Variants in ZNF184 observed in about 807,000 individuals in gnomAD.
ZNF184 encodes zinc finger protein 184, also known as zinc finger protein 184 (Kruppel-like).
Under a neutral mutation model 54.4 loss-of-function variants are expected in ZNF184, and 16 were observed. The observed-to-expected ratio is 0.29, with a 90% CI of 0.20 to 0.45. The LOEUF is 0.45. Ranked by LOEUF, ZNF184 falls within the 20% of genes least tolerant of loss-of-function variation. The pLI is 1.00. For synonymous variants in ZNF184, 254 were observed against 295.3 expected (o/e 0.86, Z 1.43); for missense variants, 681 against 888.2 (o/e 0.77, Z 2.97).
the ZNF184 span, among the ~76,000 whole-genome samples, chr6:27,427,035 A>C: frequency 1.3e-5 from 2 of 151,550 alleles, no homozygotes; most frequent in African/African-American, 4.9e-5. Context: ...CTAATGAAAA[A>C]GAATGAAGCA....
the ZNF184 span, among the ~76,000 whole-genome samples, chr6:27,444,575 GTGTCT>G: frequency 2.0e-5 from 3 of 152,080 alleles, no homozygotes; most frequent in Non-Finnish European, 4.4e-5. Flanking sequence ...GTGTTCTCCA[GTGTCT>G]TATTTCCTAT....
intron 3 of ZNF184, among the ~76,000 whole-genome samples, chr6:27,465,016 C>CAAAAAAAAAAAAAAAAAA (rs61602778): frequency 2.0e-5 from 1 of 48,918 alleles, no homozygotes; most frequent in Non-Finnish European, 3.4e-5. Context: ...GACTCTGTCT[C>CAAAAAAAAAAAAAAAAAA]AAAAAAAAAA....
At chr6:27,459,162 A>G (rs930850093) in intron 3 of ZNF184, among the ~76,000 whole-genome samples, 1 of 152,226 alleles carries the variant, frequency 6.6e-6, no homozygotes. Context: ...TCCAGTGTCT[A>G]TAGCACTATA....
At chr6:27,442,127 C>T in the ZNF184 span, among the ~76,000 whole-genome samples, 39 of 152,252 alleles carry the variant, frequency 2.6e-4, no homozygotes, top group Admixed American at 2.0e-3. Flanking sequence ...TCATGGGCCC[C>T]GTGCCCTTCT....
intron 5 of ZNF184, among the ~76,000 whole-genome samples, chr6:27,456,503 C>A (rs765302196): frequency 2.6e-4 from 40 of 151,978 alleles, no homozygotes; most frequent in Non-Finnish European, 3.4e-4. Flanking sequence ...ATTGTAAGGA[C>A]TGAAAAGTAC....
intron 3 of ZNF184, among the ~76,000 whole-genome samples, chr6:27,459,494 C>T (rs1198422648): frequency 1.3e-5 from 2 of 152,104 alleles, no homozygotes; most frequent in Non-Finnish European, 2.9e-5. Context: ...TGCTCCCCTC[C>T]CCTAAAAATA....
Position 27,451,941 on chromosome 6 carries a change from T to C in ZNF184, c.1618A>G (p.Ile540Val), listed in dbSNP as rs1762736627. ...TGCTTAGCAAGAGATGAACTCCGAA[T>C]AAAAGCTTTCCCACATTCTTTACAT... Reference protein sequence around the residue: ...YECKECGKAFIRSSSLAKHER... With the variant: ...YECKECGKAFVRSSSLAKHER... The change falls in exon 6 of 6, where the codon ATT (isoleucine) becomes GTT (valine). Residue 540 changes from isoleucine (I) to valine (V), a missense_variant. Coordinates refer to ENST00000683788, the MANE Select transcript of ZNF184 (RefSeq NM_001318891.2). 1 of 1,613,122 alleles carries C rather than the reference T, an allele frequency of 6.2e-7. No homozygotes were observed. The highest frequency in any genetic ancestry group is 8.5e-7 in the Non-Finnish European group (1 of 1,179,968).
the ZNF184 span, among the ~76,000 whole-genome samples, chr6:27,416,265 A>ATGCC: frequency 1.3e-5 from 2 of 152,232 alleles, no homozygotes; most frequent in Non-Finnish European, 2.9e-5. Flanking sequence ...TGATAGGACT[A>ATGCC]TCGTGAGAGA....
At chr6:27,428,634 C>T in the ZNF184 span, among the ~76,000 whole-genome samples, 1 of 152,194 alleles carries the variant, frequency 6.6e-6, no homozygotes, top group Non-Finnish European at 1.5e-5. This position sits in a 1 kb window ranked among gnomAD's most constrained non-coding sequence, Gnocchi z 4.1. Context: ...AAGTAACTTA[C>T]TAATTAGGTA....
the ZNF184 span, among the ~76,000 whole-genome samples, chr6:27,432,661 C>T: frequency 6.6e-6 from 1 of 152,182 alleles, no homozygotes; most frequent in African/African-American, 2.4e-5. The surrounding 1 kb of genome is among the most constrained non-coding windows in gnomAD (Gnocchi z 4.0). Flanking sequence ...TCCTTCAGGA[C>T]TGTGGGAGAT....
chr6:27,436,856 G>T, the ZNF184 span, among the ~76,000 whole-genome samples: 1 of 152,264 alleles, frequency 6.6e-6, no homozygotes, highest in Non-Finnish European at 1.5e-5. Context: ...TGGCAATTTG[G>T]CAATGAAACA....
chr6:27,464,949 G>A (rs1185907888), intron 3 of ZNF184, among the ~76,000 whole-genome samples: 2 of 145,124 alleles, frequency 1.4e-5, no homozygotes, highest in African/African-American at 2.6e-5. Context: ...CCCAGGAGGC[G>A]GAGCTTGCAG....
the ZNF184 span, among the ~76,000 whole-genome samples, chr6:27,430,487 A>C: frequency 1.3e-5 from 2 of 152,168 alleles, no homozygotes; most frequent in African/African-American, 4.8e-5. Flanking sequence ...AAAAGCAAGC[A>C]CATGTATTCT....
rs1013899935 is a variant in ZNF184 at position 27,457,399 on chromosome 6, G to T, written c.86C>A (p.Thr29Asn). ...LSSASFQEAV[T>N]FKDVIVDFTQ... ...AAAGTCCACTATCACATCCTTGAAAGTCACCGCTTCCTGAAATACCAAACA... is the reference window on the plus strand; with the variant it reads ...AAAGTCCACTATCACATCCTTGAAATTCACCGCTTCCTGAAATACCAAACA... Residue 29 changes from threonine (T) to asparagine (N), a missense_variant, in exon 4 of 6, where the codon ACT becomes AAT. By Grantham distance (65) the Thr-to-Asn change is moderately conservative. Coordinates refer to ENST00000683788, the MANE Select transcript of ZNF184 (RefSeq NM_001318891.2). 6.2e-7 allele frequency: 1 copy of T among 1,613,658 alleles called. No individual in the cohort carries two copies. The highest frequency in any genetic ancestry group is 1.3e-5 in the African/African-American group (1 of 74,848).
the ZNF184 span, among the ~76,000 whole-genome samples, chr6:27,437,610 T>C: frequency 6.6e-6 from 1 of 152,200 alleles, no homozygotes; most frequent in Admixed American, 6.5e-5. Context: ...AACTGTAAAT[T>C]TGTGTTGTTT....
chr6:27,448,032 C>G (rs1000900732), downstream of ZNF184, among the ~76,000 whole-genome samples: 6 of 152,182 alleles, frequency 3.9e-5, no homozygotes, highest in Admixed American at 2.6e-4. Context: ...ATTTCTTGAC[C>G]TAGATGATAA....
At chr6:27,412,645 C>G in the ZNF184 span, among the ~76,000 whole-genome samples, 6 of 152,216 alleles carry the variant, frequency 3.9e-5, no homozygotes, top group African/African-American at 1.4e-4. Flanking sequence ...TGTGACACAG[C>G]CCCAGGACAT....
In ZNF184 at chr6:27,469,963, C is replaced by T. The variant is rs552569917; in HGVS notation, c.8-2043G>A. Among the ~76,000 whole-genome samples the T allele has an allele frequency of 2.1e-3, 300 of 140,510 alleles. 1 individual carries two copies. The highest frequency in any genetic ancestry group is 7.4e-3 in the African/African-American group (286 of 38,722). The allele number at this position is 140,510 out of a possible 152,430, so 92.2% of individuals were successfully genotyped here. A position where few individuals can be genotyped will look rare whatever the true frequency, so the allele number is the denominator to read the frequency against. The stretch of plus-strand genomic sequence containing the variant: ...GGAACATGAAGAATAAAAAGAAAAG[C>T]TAAACAATCAAATGGACAGAACCCA... On this transcript the variant is annotated intron_variant, in intron 2 of 5. Coordinates refer to ENST00000683788, the MANE Select transcript of ZNF184 (RefSeq NM_001318891.2).
chr6:27,405,198 A>ACCCT, the ZNF184 span: 9 of 152,212 alleles, frequency 5.9e-5, no homozygotes, highest in Non-Finnish European at 1.0e-4. Flanking sequence ...AAAAAAGTTA[A>ACCCT]CTGTAAAACA....
Sources: gnomAD v4.1 joint callset for allele counts (sites outside exome capture counted in the v4.1 genomes callset) on GRCh38, gnomAD v4.1.1 for gene constraint, Gnocchi (gnomAD v3.1) non-coding constraint, MANE v1.5 for transcripts, NCBI Gene and HGNC (gene_info 2026-07-23, HGNC 2026-07-21) for gene names.